LRRC7: variants seen among roughly 807,000 people sequenced by gnomAD.
The protein encoded by LRRC7 is leucine-rich repeat-containing protein 7.
Under a neutral mutation model 175.7 loss-of-function variants are expected in LRRC7, and 23 were observed. That is an observed-to-expected ratio of 0.13 (90% CI 0.09 to 0.19). The LOEUF (loss-of-function observed/expected upper bound fraction) is 0.19. LRRC7 is among the 10% of genes least tolerant of loss of function. The pLI is 1.00. For synonymous variants in LRRC7, 685 were observed against 680.9 expected (o/e 1.01, Z -0.09); for missense variants, 1,354 against 1,904.7 (o/e 0.71, Z 5.38).
At chr1:69,899,338 G>A (rs958063743) in intron 7 of LRRC7, among the ~76,000 whole-genome samples, 12 of 152,154 alleles carry the variant, frequency 7.9e-5, no homozygotes, top group Admixed American at 3.3e-4. Context: ...CCAGCTGTTC[G>A]CTGTCAGAGA....
intron 3 of LRRC7, among the ~76,000 whole-genome samples, 163 bp from the exon 4 acceptor site, chr1:69,791,880 C>T (rs1213868001): frequency 6.6e-6 from 1 of 151,894 alleles, no homozygotes; most frequent in Non-Finnish European, 1.5e-5. Context: ...AATGTGAAGC[C>T]ATTCAGAAAC....
chr1:69,633,639 G>T (rs1455444697), intron 1 of LRRC7, among the ~76,000 whole-genome samples: 3 of 152,080 alleles, frequency 2.0e-5, no homozygotes, highest in African/African-American at 7.2e-5. Flanking sequence ...ATGTTGGCCA[G>T]GCCGATTATG....
intron 7 of LRRC7, among the ~76,000 whole-genome samples, chr1:69,884,648 CTA>C (rs1351405663): frequency 1.4e-5 from 2 of 138,748 alleles, no homozygotes; most frequent in Non-Finnish European, 3.1e-5. Flanking sequence ...ACTTCCAACA[CTA>C]TGTTGAATAG....
At chr1:70,099,654 A>G (rs2102194268) in intron 25 of LRRC7, among the ~76,000 whole-genome samples, 1 of 152,338 alleles carries the variant, frequency 6.6e-6, no homozygotes, top group Middle Eastern at 3.4e-3. Context: ...GGGAGCCTTC[A>G]GGAATTATAA....
intron 1 of LRRC7, among the ~76,000 whole-genome samples, chr1:69,588,860 C>T (rs1046358355): frequency 2.6e-5 from 4 of 151,832 alleles, no homozygotes; most frequent in African/African-American, 4.8e-5. Context: ...TTTCACAAGG[C>T]CTAATTTCTG....
chr1:69,778,734 A>G (rs1208303244), intron 3 of LRRC7, among the ~76,000 whole-genome samples: 2 of 152,114 alleles, frequency 1.3e-5, no homozygotes, highest in African/African-American at 4.8e-5. Context: ...ACTGATTAGC[A>G]CTACCAGTGG....
At chr1:69,747,188 T>C (rs1669346316) in intron 2 of LRRC7, among the ~76,000 whole-genome samples, 1 of 152,142 alleles carries the variant, frequency 6.6e-6, no homozygotes, top group African/African-American at 2.4e-5. Flanking sequence ...AAAATGAATG[T>C]TGGGAGGAAC....
intron 24 of LRRC7, among the ~76,000 whole-genome samples, chr1:70,088,647 T>C (rs1438181880): frequency 3.3e-5 from 5 of 152,142 alleles, no homozygotes; most frequent in Non-Finnish European, 7.4e-5. Flanking sequence ...TCCGAAATCT[T>C]TCAATTATTT....
At chr1:69,798,278 C>A (rs1009196119) in intron 4 of LRRC7, among the ~76,000 whole-genome samples, 1 of 152,076 alleles carries the variant, frequency 6.6e-6, no homozygotes, top group Non-Finnish European at 1.5e-5. Flanking sequence ...AATAGTGAAT[C>A]TTGGTGACTC....
chr1:69,927,291 G>A (rs1292022013), intron 7 of LRRC7, among the ~76,000 whole-genome samples: 6 of 152,130 alleles, frequency 3.9e-5, no homozygotes, highest in African/African-American at 1.4e-4. Flanking sequence ...GTTTCTTGGA[G>A]TTGCTCTTCT....
At chr1:69,803,421 G>C (rs1185512832) in intron 4 of LRRC7, among the ~76,000 whole-genome samples, 1 of 151,288 alleles carries the variant, frequency 6.6e-6, no homozygotes. Context: ...ACTATGTGTT[G>C]TTCAATAAAA....
In LRRC7 at chr1:70,039,727, T is replaced by C. The variant is rs1279442211; in HGVS notation, c.3903T>C (p.Cys1301=). 1.2e-6 allele frequency: 2 copies of C among 1,613,550 alleles called. No homozygotes were observed. Among genetic ancestry groups the C allele is most frequent in the Non-Finnish European group, 1.7e-6 (2 of 1,179,834 alleles). Residue 1301 remains cysteine (C), a synonymous_variant, in exon 21 of 27, where the codon TGT becomes TGC. Coordinates refer to ENST00000651989, the MANE Select transcript of LRRC7 (RefSeq NM_001370785.2). ...CTCCTGTGAAGGGAGAGGAGAGCTGTGGTAAAATGCCTGCAGACTGGAGAC... is the reference window on the plus strand; with the variant it reads ...CTCCTGTGAAGGGAGAGGAGAGCTGCGGTAAAATGCCTGCAGACTGGAGAC... ...RPTPVKGEES[C]GKMPADWRQQ...
chr1:70,019,042 C>T (rs1359132938), intron 15 of LRRC7, among the ~76,000 whole-genome samples: 2 of 151,960 alleles, frequency 1.3e-5, no homozygotes, highest in Non-Finnish European at 2.9e-5. Context: ...TTATATCTTA[C>T]ATAAAAATAA....
intron 25 of LRRC7, among the ~76,000 whole-genome samples, chr1:70,098,043 C>T (rs10465859): frequency 1.3e-4 from 20 of 151,564 alleles, no homozygotes; most frequent in Non-Finnish European, 2.2e-4. Context: ...CCACACTGAC[C>T]TCCACAATGG....
chr1:69,988,405 G>GA (rs1045046462), intron 10 of LRRC7, among the ~76,000 whole-genome samples: 6 of 150,878 alleles, frequency 4.0e-5, no homozygotes, highest in African/African-American at 7.3e-5. Context: ...CTCCATCTCT[G>GA]AAAAAAAAAT....
chr1:69,840,622 G>A (rs1681616987), intron 7 of LRRC7, among the ~76,000 whole-genome samples: 1 of 151,996 alleles, frequency 6.6e-6, no homozygotes, highest in South Asian at 2.1e-4. Context: ...ACTCTTAGAT[G>A]TATGCAAATT....
rs532263477 is a variant in LRRC7, at chr1:69,841,399, C to G, written c.647+3116C>G. 3.6e-4 allele frequency among the ~76,000 whole-genome samples: 54 copies of G among 152,112 alleles called. 2 individuals are homozygous for G. Among genetic ancestry groups the G allele is most frequent in the African/African-American group, 1.2e-3 (48 of 41,524 alleles). ...CACAGAGACCAAATCTGGACCATTT[C>G]TTCCAAAGTATGGAAGAAAACAACG... is the stretch of plus-strand genomic sequence containing the variant. On this transcript the variant is annotated intron_variant, in intron 7 of 26. Coordinates refer to ENST00000651989, the MANE Select transcript of LRRC7 (RefSeq NM_001370785.2).
intron 7 of LRRC7, among the ~76,000 whole-genome samples, chr1:69,916,893 A>G (rs1315045752): frequency 6.6e-6 from 1 of 152,166 alleles, no homozygotes; most frequent in Non-Finnish European, 1.5e-5. Context: ...GTAATATATA[A>G]AATGAAGGCA....
chr1:69,794,056 G>A (rs1466024851), intron 4 of LRRC7, among the ~76,000 whole-genome samples: 1 of 152,080 alleles, frequency 6.6e-6, no homozygotes, highest in Non-Finnish European at 1.5e-5. Context: ...AGACAATGGT[G>A]GATTAATTAA....
Sources: allele counts gnomAD v4.1 joint callset (sites outside exome capture counted in the v4.1 genomes callset), GRCh38; gene constraint gnomAD v4.1.1; transcripts MANE v1.5; gene names NCBI Gene and HGNC (gene_info 2026-07-23, HGNC 2026-07-21).